HPSE2: variants seen among roughly 807,000 people sequenced by gnomAD.
HPSE2 encodes heparanase 2 (inactive).
In HPSE2, 38 loss-of-function variants were observed where a neutral mutation model predicts 60.5. The ratio of observed to expected loss-of-function variants is 0.63; its 90% CI spans 0.48 to 0.82. HPSE2 has a LOEUF of 0.82. Among genes scored for constraint, HPSE2 ranks in the 40% least tolerant of loss-of-function variants. The probability of loss-of-function intolerance (pLI) is 0.00; values close to 1 mark genes in which losing one functional copy is unlikely to be tolerated. For synonymous variants in HPSE2, 295 were observed against 293.2 expected (o/e 1.01, Z -0.06); for missense variants, 713 against 740.4 (o/e 0.96, Z 0.43).
chr10:98,877,522 C>T (rs771867450), intron 3 of HPSE2, among the ~76,000 whole-genome samples: 1 of 151,718 alleles, frequency 6.6e-6, no homozygotes, highest in South Asian at 2.1e-4. Context: ...CAAAAATAGG[C>T]CCCATCTCAT....
chr10:98,808,259 T>C lies in HPSE2; in HGVS notation c.611-64203A>G, dbSNP rs1309865603. ...CCCTCAAACCCTCTCAGAAACCCTC[T>C]GTTTCTGTTGATGATGCCATCACTC... is the stretch of plus-strand genomic sequence containing the variant. On this transcript the variant is annotated intron_variant, in intron 3 of 11. Coordinates refer to ENST00000370552, the MANE Select transcript of HPSE2 (RefSeq NM_021828.5). Among the ~76,000 whole-genome samples, 2 of 152,174 alleles carry C rather than the reference T, an allele frequency of 1.3e-5. 1 individual carries two copies. The highest frequency in any genetic ancestry group is 2.9e-5 in the Non-Finnish European group (2 of 68,018).
At chr10:99,211,138 G>A (rs933124585) in intron 2 of HPSE2, among the ~76,000 whole-genome samples, 1 of 150,950 alleles carries the variant, frequency 6.6e-6, no homozygotes, top group Non-Finnish European at 1.5e-5. Context: ...CCAAAAAAAA[G>A]AAATGAAGAC....
chr10:98,724,385 A>C (rs577544042), intron 4 of HPSE2, among the ~76,000 whole-genome samples: 32 of 152,122 alleles, frequency 2.1e-4, no homozygotes, highest in Non-Finnish European at 4.0e-4. Context: ...TTACTTCCAA[A>C]TATGTGGTCA....
chr10:98,752,743 A>C (rs1486958180), intron 3 of HPSE2, among the ~76,000 whole-genome samples: 1 of 152,194 alleles, frequency 6.6e-6, no homozygotes, highest in Admixed American at 6.5e-5. Context: ...CTGCACTCCC[A>C]TGTTTATCAC....
At chr10:99,069,200 A>G (rs1469236944) in intron 3 of HPSE2, among the ~76,000 whole-genome samples, 1 of 152,154 alleles carries the variant, frequency 6.6e-6, no homozygotes. Flanking sequence ...CATAAGTCTG[A>G]GTTTCTTAAG....
At chr10:99,023,557 C>G (rs1957311552) in intron 3 of HPSE2, among the ~76,000 whole-genome samples, 1 of 152,196 alleles carries the variant, frequency 6.6e-6, no homozygotes, top group South Asian at 2.1e-4. Flanking sequence ...CAGTGCTATG[C>G]TGGCTTCAGG....
At chr10:98,776,192 G>A (rs1427220376) in intron 3 of HPSE2, among the ~76,000 whole-genome samples, 1 of 151,934 alleles carries the variant, frequency 6.6e-6, no homozygotes, top group Non-Finnish European at 1.5e-5. Context: ...CAGCACTCTG[G>A]GAGGCTGAGG....
chr10:98,971,305 A>G (rs192895271), intron 3 of HPSE2, among the ~76,000 whole-genome samples: 1 of 152,310 alleles, frequency 6.6e-6, no homozygotes, highest in East Asian at 1.9e-4. Flanking sequence ...CATTGTTAAC[A>G]TCATTTTTAC....
Position 98,620,705 on chromosome 10 carries a change from C to T in HPSE2, c.1102G>A (p.Val368Ile). 6.2e-7 allele frequency: 1 copy of T among 1,610,476 alleles called. No individual in the cohort carries two copies. Among genetic ancestry groups the T allele is most frequent in the Middle Eastern group, 1.7e-4 (1 of 6,060 alleles). The change falls in exon 8 of 12, where the codon GTT becomes ATT. Residue 368 changes from valine (V) to isoleucine (I), a missense_variant. Coordinates refer to ENST00000370552, the MANE Select transcript of HPSE2 (RefSeq NM_021828.5). ...TTCTTTCCTGGAGTGTATGTATTAACCACCTGTTTACACAACAAAAGCAGA... is the reference window on the plus strand; with the variant it reads ...TTCTTTCCTGGAGTGTATGTATTAATCACCTGTTTACACAACAAAAGCAGA... ...SDQIRKIQKV[V>I]NTYTPGKKIW...
intron 3 of HPSE2, among the ~76,000 whole-genome samples, chr10:99,121,609 C>T (rs983463621): frequency 2.0e-5 from 3 of 152,044 alleles, no homozygotes; most frequent in Non-Finnish European, 4.4e-5. Context: ...AACAACAATG[C>T]CATATCAATT....
intron 2 of HPSE2, among the ~76,000 whole-genome samples, chr10:99,149,767 G>A (rs968709735): frequency 5.3e-5 from 8 of 151,822 alleles, no homozygotes; most frequent in African/African-American, 1.9e-4. Flanking sequence ...ATAATACAAA[G>A]AATAAAGACT....
intron 3 of HPSE2, among the ~76,000 whole-genome samples, chr10:99,102,570 C>G (rs1462409467): frequency 6.6e-6 from 1 of 152,184 alleles, no homozygotes; most frequent in Admixed American, 6.5e-5. Flanking sequence ...GGAGCTGGTA[C>G]CATTCTTTCT....
chr10:98,489,184 G>A lies in HPSE2; in HGVS notation c.1466+867C>T, dbSNP rs568156982. On this transcript the variant is annotated intron_variant, in intron 10 of 11. Transcript: ENST00000370552. ...GAAAGAGAAAGAATTATATTTTCCA[G>A]GGCAGCCTACTCTGCCTTAAACAGG... 2.6e-5 allele frequency among the ~76,000 whole-genome samples: 4 copies of A among 152,274 alleles called. No individual in the cohort carries two copies. The East Asian group carries it at 7.7e-4, about 29-fold the overall frequency.
chr10:99,211,862 A>T (rs1848962791), intron 2 of HPSE2, among the ~76,000 whole-genome samples: 1 of 152,200 alleles, frequency 6.6e-6, no homozygotes, highest in African/African-American at 2.4e-5. Context: ...GATTACATCA[A>T]ACTAAAAAGC....
chr10:99,105,050 TTAAAA>T (rs1753440734), intron 3 of HPSE2, among the ~76,000 whole-genome samples: 2 of 125,542 alleles, frequency 1.6e-5, no homozygotes, highest in African/African-American at 5.9e-5. Flanking sequence ...ACCCTAGAAC[TTAAAA>T]TATAATAAAA....
chr10:98,997,381 G>T (rs1956673212), intron 3 of HPSE2, among the ~76,000 whole-genome samples: 1 of 152,000 alleles, frequency 6.6e-6, no homozygotes, highest in South Asian at 2.1e-4. Context: ...CTCCCAAACT[G>T]CTGGGATTAC....
chr10:99,291,134 A>C, the HPSE2 span, among the ~76,000 whole-genome samples: 1 of 152,184 alleles, frequency 6.6e-6, no homozygotes, highest in Non-Finnish European at 1.5e-5. Context: ...GTAGGAGTAA[A>C]GGGTAAAAGA....
chr10:98,568,736 A>C (rs1944415393), intron 9 of HPSE2, among the ~76,000 whole-genome samples: 1 of 152,160 alleles, frequency 6.6e-6, no homozygotes, highest in East Asian at 1.9e-4. Flanking sequence ...CAGCCTAGCC[A>C]CACCAGGATG....
intron 3 of HPSE2, among the ~76,000 whole-genome samples, chr10:99,002,785 T>A (rs1009014772): frequency 6.6e-6 from 1 of 152,034 alleles, no homozygotes; most frequent in African/African-American, 2.4e-5. Flanking sequence ...AAAATAAAAA[T>A]TACAAAATAC....
Sources: allele counts gnomAD v4.1 joint callset (sites outside exome capture counted in the v4.1 genomes callset), GRCh38; gene constraint gnomAD v4.1.1; transcripts MANE v1.5; gene names NCBI Gene and HGNC (gene_info 2026-07-23, HGNC 2026-07-21).